The following GAS7 variants were observed in gnomAD, a reference collection of about 807,000 sequenced individuals.
GAS7 encodes growth arrest-specific protein 7.
In GAS7, 28 loss-of-function variants were observed where a neutral mutation model predicts 71.1. The observed-to-expected ratio is 0.39, with a 90% confidence interval of 0.29 to 0.54. The LOEUF (loss-of-function observed/expected upper bound fraction) is 0.54. GAS7 is among the 20% of genes least tolerant of loss of function. The probability of loss-of-function intolerance (pLI) is 0.62; values close to 1 mark genes in which losing one functional copy is unlikely to be tolerated. For missense variants in GAS7, 436 were observed against 627.8 expected (o/e 0.69, Z 3.27); for synonymous variants, 258 against 245.8 (o/e 1.05, Z -0.46).
intron 1 of GAS7, among the ~76,000 whole-genome samples, chr17:10,146,684 T>G (rs996989378): frequency 6.6e-6 from 1 of 152,098 alleles, no homozygotes; most frequent in Non-Finnish European, 1.5e-5. Flanking sequence ...GCTCAAGGGT[T>G]AACAGCGTAA....
chr17:10,008,977 T>C (rs1198999619), intron 2 of GAS7, among the ~76,000 whole-genome samples: 7 of 152,124 alleles, frequency 4.6e-5, no homozygotes, highest in African/African-American at 1.4e-4. Context: ...TTCATTCTAT[T>C]TGGGGAGTTA....
chr17:10,177,520 A>T (rs17743504), intron 1 of GAS7, among the ~76,000 whole-genome samples: 14,406 of 152,066 alleles, frequency 0.095, 916 homozygotes, highest in Middle Eastern at 0.15. Flanking sequence ...TTTACTAAGG[A>T]CCAGGTTAAT....
chr17:9,946,402 T>C (rs1440485711), intron 6 of GAS7, among the ~76,000 whole-genome samples: 3 of 152,120 alleles, frequency 2.0e-5, no homozygotes, highest in Non-Finnish European at 2.9e-5. Context: ...AAACTAAAAC[T>C]CTGTGTTCGC....
At chr17:10,113,794 C>T (rs897567016) in intron 1 of GAS7, among the ~76,000 whole-genome samples, 2 of 152,170 alleles carry the variant, frequency 1.3e-5, no homozygotes, top group African/African-American at 2.4e-5. Flanking sequence ...GGAAGGAGAC[C>T]AACTTTTCAC....
chr17:10,025,785 G>A (rs904485897), intron 1 of GAS7, among the ~76,000 whole-genome samples: 1 of 152,152 alleles, frequency 6.6e-6, no homozygotes. Flanking sequence ...CAGTGATCCT[G>A]GGTGAGTCCT....
intron 1 of GAS7, among the ~76,000 whole-genome samples, chr17:10,105,692 C>T (rs1387992822): frequency 6.6e-6 from 1 of 152,200 alleles, no homozygotes; most frequent in African/African-American, 2.4e-5. Context: ...TCCAAAGAAG[C>T]CACCCACTTC....
At position 9,969,464 on chromosome 17, in the gene GAS7, A is replaced by G. The variant is rs1043917637; in HGVS notation, c.471+213T>C. ...CCATCACCGTCAACCCCTCCTCCAA[A>G]CCACCCTCGACTTCTAGAAAACCAA... On this transcript the variant is annotated intron_variant, in intron 4 of 13. Transcript: ENST00000432992. This position sits in a 1 kb window ranked among gnomAD's most constrained non-coding sequence, Gnocchi z 5.5. Among the ~76,000 whole-genome samples the G allele has an allele frequency of 7.2e-5, 11 of 152,044 alleles. No individual in the cohort carries two copies. Among genetic ancestry groups the G allele is most frequent in the Admixed American group, 2.6e-4 (4 of 15,254 alleles).
intron 1 of GAS7, among the ~76,000 whole-genome samples, chr17:10,022,523 A>G (rs1027819664): frequency 2.0e-5 from 3 of 152,236 alleles, no homozygotes; most frequent in Non-Finnish European, 4.4e-5. Flanking sequence ...AACAGCCTTC[A>G]GTGCCAATCC....
chr17:10,126,467 C>A (rs1597806968), intron 1 of GAS7, among the ~76,000 whole-genome samples: 1 of 151,602 alleles, frequency 6.6e-6, no homozygotes, highest in Admixed American at 6.6e-5. Context: ...CGCACTCATG[C>A]ACACACGCAC....
chr17:10,123,193 G>T (rs1173139225), intron 1 of GAS7, among the ~76,000 whole-genome samples: 1 of 152,194 alleles, frequency 6.6e-6, no homozygotes, highest in Admixed American at 6.5e-5. Context: ...GGAGTCACCT[G>T]TCAGACTCTG....
intron 1 of GAS7, among the ~76,000 whole-genome samples, chr17:10,021,708 T>C (rs958717560): frequency 2.2e-4 from 34 of 152,172 alleles, no homozygotes; most frequent in Middle Eastern, 3.2e-3. Flanking sequence ...CACCAGCATG[T>C]CCAGTAAGCA....
intron 1 of GAS7, among the ~76,000 whole-genome samples, chr17:10,144,613 G>T (rs922377724): frequency 1.3e-5 from 2 of 151,940 alleles, no homozygotes; most frequent in South Asian, 4.2e-4. Context: ...GCGCAATCAC[G>T]GCTCACTGCA....
At chr17:10,114,142 G>T (rs2142069426) in intron 1 of GAS7, among the ~76,000 whole-genome samples, 1 of 152,028 alleles carries the variant, frequency 6.6e-6, no homozygotes, top group African/African-American at 2.4e-5. Context: ...TGCGCAGGCT[G>T]ATCTCAAACT....
At chr17:10,157,441 G>A (rs1004589188) in intron 1 of GAS7, among the ~76,000 whole-genome samples, 4 of 152,258 alleles carry the variant, frequency 2.6e-5, no homozygotes, top group East Asian at 1.9e-4. Context: ...TGGTCAAACC[G>A]CTTTATAAAT....
At chr17:10,018,699 A>G (rs2072137919) in intron 2 of GAS7, among the ~76,000 whole-genome samples, 2 of 152,142 alleles carry the variant, frequency 1.3e-5, no homozygotes, top group Admixed American at 6.5e-5. Flanking sequence ...TGTCTCTGCT[A>G]AACAGTAGCT....
chr17:10,166,723 TTC>T (rs1310587242), intron 1 of GAS7, among the ~76,000 whole-genome samples: 13 of 152,238 alleles, frequency 8.5e-5, no homozygotes, highest in African/African-American at 3.1e-4. Flanking sequence ...ATTTTCCCTA[TTC>T]TGCTTAGTCA....
At chr17:10,036,776 C>G in intron 1 of GAS7, 1 of 1,167,380 alleles carries the variant, frequency 8.6e-7, no homozygotes, top group Non-Finnish European at 1.1e-6. Context: ...CCCACTCTCC[C>G]TCTTTTTCCC....
At chr17:10,042,489 T>G (rs751868983) in intron 1 of GAS7, among the ~76,000 whole-genome samples, 27 of 151,998 alleles carry the variant, frequency 1.8e-4, no homozygotes, top group Non-Finnish European at 2.9e-4. Flanking sequence ...ATCAACCAAC[T>G]AATAGTTACT....
intron 1 of GAS7, among the ~76,000 whole-genome samples, chr17:10,091,473 C>T (rs2073581067): frequency 6.6e-6 from 1 of 152,050 alleles, no homozygotes; most frequent in African/African-American, 2.4e-5. Flanking sequence ...CTGCAACCTC[C>T]GCCTCCCAGG....
Sources: gnomAD v4.1 joint callset for allele counts (sites outside exome capture counted in the v4.1 genomes callset) on GRCh38, gnomAD v4.1.1 for gene constraint, Gnocchi (gnomAD v3.1) non-coding constraint, MANE v1.5 for transcripts, NCBI Gene and HGNC (gene_info 2026-07-23, HGNC 2026-07-21) for gene names.